Variants in GSK3B observed in about 807,000 individuals in gnomAD.
GSK3B encodes the protein glycogen synthase kinase 3 beta.
Under a neutral mutation model 56.4 loss-of-function variants are expected in GSK3B, and 15 were observed. The observed-to-expected ratio is 0.27, with a 90% confidence interval of 0.18 to 0.41. GSK3B has a LOEUF of 0.41. Among genes scored for constraint, GSK3B ranks in the 10% least tolerant of loss-of-function variants. GSK3B has a pLI of 1.00. For synonymous variants in GSK3B, 181 were observed against 188.9 expected (o/e 0.96, Z 0.34); for missense variants, 300 against 513.4 (o/e 0.58, Z 4.02).
At chr3:119,972,533 T>C (rs2057377185) in intron 2 of GSK3B, among the ~76,000 whole-genome samples, 1 of 152,192 alleles carries the variant, frequency 6.6e-6, no homozygotes. Context: ...CCTCCCAGGT[T>C]CACGCCACCC....
At chr3:119,909,477 CTTGT>C (rs2056715142) in intron 6 of GSK3B, among the ~76,000 whole-genome samples, 1 of 152,202 alleles carries the variant, frequency 6.6e-6, no homozygotes, top group South Asian at 2.1e-4. Flanking sequence ...AAAGTTGCTC[CTTGT>C]TTGTTAGCTT....
intron 1 of GSK3B, among the ~76,000 whole-genome samples, chr3:120,064,442 A>T (rs182714411): frequency 6.6e-6 from 1 of 152,190 alleles, no homozygotes; most frequent in East Asian, 1.9e-4. Flanking sequence ...AATAAAAAAA[A>T]CTAGGAATAA....
chr3:120,023,576 T>A (rs1360616959), intron 1 of GSK3B, among the ~76,000 whole-genome samples: 1 of 152,106 alleles, frequency 6.6e-6, no homozygotes, highest in Admixed American at 6.6e-5. Flanking sequence ...CTATTACTCT[T>A]AAGGTGTTAC....
chr3:119,951,858 T>G (rs2057160128), intron 2 of GSK3B, among the ~76,000 whole-genome samples: 1 of 150,354 alleles, frequency 6.7e-6, no homozygotes, highest in Non-Finnish European at 1.5e-5. Context: ...AATAAAGAAA[T>G]GCTAACTTTT....
intron 1 of GSK3B, among the ~76,000 whole-genome samples, chr3:120,067,217 C>T (rs188529090): frequency 1.3e-4 from 18 of 136,482 alleles, no homozygotes; most frequent in Admixed American, 8.1e-4. Flanking sequence ...AGAATAGACG[C>T]AGTAATCAAC....
At chr3:119,935,478 T>C (rs2056984872) in intron 3 of GSK3B, among the ~76,000 whole-genome samples, 1 of 152,144 alleles carries the variant, frequency 6.6e-6, no homozygotes, top group Non-Finnish European at 1.5e-5. Flanking sequence ...TAATCATATA[T>C]GAACCCACTT....
At chr3:119,865,505 T>G in intron 8 of GSK3B, among the ~76,000 whole-genome samples, 1 of 121,968 alleles carries the variant, frequency 8.2e-6, no homozygotes, top group Non-Finnish European at 1.6e-5. Context: ...GGAGTCTTCC[T>G]GTCACCCAGG....
chr3:119,992,116 T>C (rs1255384005), intron 2 of GSK3B, among the ~76,000 whole-genome samples: 4 of 152,074 alleles, frequency 2.6e-5, no homozygotes, highest in African/African-American at 9.7e-5. Flanking sequence ...GATAAACTGA[T>C]GCCAAAGTTC....
chr3:120,015,140 TAC>T (rs2057812516), intron 1 of GSK3B, among the ~76,000 whole-genome samples: 1 of 152,232 alleles, frequency 6.6e-6, no homozygotes, highest in Non-Finnish European at 1.5e-5. Context: ...TAGCACAGGT[TAC>T]ACAGTTGTTG....
intron 9 of GSK3B, among the ~76,000 whole-genome samples, chr3:119,859,980 T>A (rs1450377641): frequency 6.6e-6 from 1 of 152,238 alleles, no homozygotes; most frequent in African/African-American, 2.4e-5. Context: ...ATGTTCACAT[T>A]AGCTCATACT....
intron 10 of GSK3B, among the ~76,000 whole-genome samples, chr3:119,834,731 A>T (rs1429031287): frequency 6.6e-6 from 1 of 152,250 alleles, no homozygotes; most frequent in Non-Finnish European, 1.5e-5. Context: ...GAACTGAGGA[A>T]CACTTCAGGG....
intron 1 of GSK3B, among the ~76,000 whole-genome samples, chr3:120,036,839 T>C (rs1438784953): frequency 6.6e-6 from 1 of 150,774 alleles, no homozygotes; most frequent in Non-Finnish European, 1.5e-5. Context: ...CTAGCAGTTT[T>C]AGGAAAAAAG....
intron 1 of GSK3B, among the ~76,000 whole-genome samples, chr3:120,034,823 C>T (rs541274337): frequency 2.0e-5 from 3 of 152,122 alleles, no homozygotes; most frequent in Admixed American, 6.5e-5. Flanking sequence ...CAGGAGAGGT[C>T]GAGGTAACTC....
chr3:119,932,579 A>C (rs1377491101), intron 3 of GSK3B, among the ~76,000 whole-genome samples: 4 of 152,026 alleles, frequency 2.6e-5, no homozygotes, highest in African/African-American at 7.2e-5. Flanking sequence ...TTGGAAGACA[A>C]AAGAGCTAAG....
chr3:119,949,001 C>G (rs1231039196), intron 2 of GSK3B, among the ~76,000 whole-genome samples: 1 of 152,220 alleles, frequency 6.6e-6, no homozygotes, highest in African/African-American at 2.4e-5. Context: ...AGCGCCCAGC[C>G]TCTATACTTT....
At chr3:119,932,467 C>T (rs2056955636) in intron 3 of GSK3B, among the ~76,000 whole-genome samples, 1 of 150,294 alleles carries the variant, frequency 6.7e-6, no homozygotes, top group African/African-American at 2.4e-5. Context: ...CCCTATCTCA[C>T]ACCTTAAAAC....
At chr3:120,082,385 CTTTTTT>C (rs1173737285) in intron 1 of GSK3B, among the ~76,000 whole-genome samples, 443 of 66,326 alleles carry the variant, frequency 6.7e-3, no homozygotes, top group African/African-American at 0.02. Context: ...TTAGTATGTT[CTTTTTT>C]TTTTTTTTTT....
At chr3:119,954,222 G>GAGAATAGAATAGAATAGAAT (rs1262281777) in intron 2 of GSK3B, among the ~76,000 whole-genome samples, 167 of 101,446 alleles carry the variant, frequency 1.6e-3, no homozygotes, top group East Asian at 5.2e-3. Flanking sequence ...AGTGTGGAAG[G>GAGAATAGAATAGAATAGAAT]AGAATAGAAT....
chr3:120,008,668 A>G lies in GSK3B; in HGVS notation c.89-6429T>C, dbSNP rs187045295. Among the ~76,000 whole-genome samples, 1,474 of 152,266 alleles carry G rather than the reference A, an allele frequency of 9.7e-3. 10 individuals carry two copies. Among genetic ancestry groups the G allele is most frequent in the Non-Finnish European group, 0.015 (1,043 of 68,008 alleles). On this transcript the variant is annotated intron_variant, in intron 1 of 10. Coordinates refer to ENST00000264235, the MANE Select transcript of GSK3B (RefSeq NM_001146156.2). ...ACTGGCTAGCCATGTGCAGAAAACT[A>G]AACTGGACCCCTTCCTTACACCTTA... is the stretch of plus-strand genomic sequence containing the variant.
Sources: allele counts gnomAD v4.1 joint callset (sites outside exome capture counted in the v4.1 genomes callset), GRCh38; gene constraint gnomAD v4.1.1; transcripts MANE v1.5; gene names NCBI Gene and HGNC (gene_info 2026-07-23, HGNC 2026-07-21).